QSOX2: variants seen among roughly 807,000 people sequenced by gnomAD.
The protein encoded by QSOX2 is sulfhydryl oxidase 2.
In QSOX2, 46 loss-of-function variants were observed where a neutral mutation model predicts 61.7. That is an observed-to-expected ratio of 0.75 (90% CI 0.59 to 0.95). The LOEUF is 0.95. Ranked by LOEUF, QSOX2 falls within the 40% of genes least tolerant of loss-of-function variation. QSOX2 has a pLI of 0.00. For missense variants in QSOX2, 879 were observed against 918.9 expected (o/e 0.96, Z 0.56); for synonymous variants, 383 against 388.4 (o/e 0.99, Z 0.16).
chr9:136,229,894 A>T (rs12338076), intron 1 of QSOX2, among the ~76,000 whole-genome samples: 44 of 152,068 alleles, frequency 2.9e-4, no homozygotes, highest in Non-Finnish European at 1.2e-4. Flanking sequence ...GGCAACACAG[A>T]GCCCTGCACA....
intron 8 of QSOX2, 68 bp downstream of exon 8, chr9:136,218,611 G>GC (rs533000915): frequency 1.2e-5 from 18 of 1,539,600 alleles, no homozygotes; most frequent in African/African-American, 5.5e-5. Context: ...AGTGTCCGAC[G>GC]CCCCCCAGGG....
chr9:136,245,334 T>C (rs976101140), intron 1 of QSOX2, 142 bp downstream of exon 1: 14 of 699,160 alleles, frequency 2.0e-5, no homozygotes, highest in Admixed American at 6.1e-5. Context: ...CGGGTGCCTC[T>C]GTGGGGCAGG....
rs1172004869 is a variant in QSOX2 at position 136,218,688 on chromosome 9, G to A, written c.1077C>T (p.Val359=). 1 of 1,613,688 alleles carries A rather than the reference G, an allele frequency of 6.2e-7. No individual in the cohort carries two copies. Among genetic ancestry groups the A allele is most frequent in the African/African-American group, 1.3e-5 (1 of 75,076 alleles). Residue 359 remains valine (V), a synonymous_variant, in exon 8 of 12, where the codon GTC becomes GTT. Coordinates refer to ENST00000358701, the MANE Select transcript of QSOX2 (RefSeq NM_181701.4). Reference sequence around the variant, plus strand: ...CAGCACCGTCCCAAACCTTGGCCAAGACAGTCACAAAGTCCTTGAGCGTCT... The same window carrying A: ...CAGCACCGTCCCAAACCTTGGCCAAAACAGTCACAAAGTCCTTGAGCGTCT... The part of the protein sequence containing the change: ...ELKTLKDFVT[V]LAKLFPGRPP...
intron 1 of QSOX2, among the ~76,000 whole-genome samples, chr9:136,235,374 G>A (rs373858237): frequency 4.6e-5 from 7 of 152,212 alleles, no homozygotes; most frequent in East Asian, 1.9e-4. Flanking sequence ...GGGCCCTTAC[G>A]GGGAGTGACG....
chr9:136,233,331 C>A (rs529881056), intron 1 of QSOX2, among the ~76,000 whole-genome samples: 2 of 152,174 alleles, frequency 1.3e-5, no homozygotes, highest in Non-Finnish European at 2.9e-5. Context: ...CCCCTGGCCA[C>A]GAAGAACTCA....
chr9:136,235,404 A>C (rs558351245), intron 1 of QSOX2, among the ~76,000 whole-genome samples: 1 of 152,312 alleles, frequency 6.6e-6, no homozygotes, highest in East Asian at 1.9e-4. Flanking sequence ...GGAGAGAAGG[A>C]GAGAAGACAA....
chr9:136,219,860 A>G (rs1243170694), intron 6 of QSOX2, among the ~76,000 whole-genome samples: 4 of 152,202 alleles, frequency 2.6e-5, no homozygotes, highest in Non-Finnish European at 1.5e-5. Context: ...TTAACACTAA[A>G]CAAACATCTG....
rs756563763 is a variant in QSOX2 at position 136,208,788 on chromosome 9, G to T, written c.2037C>A (p.Tyr679Ter). 13 of 1,613,828 alleles carry T rather than the reference G, an allele frequency of 8.1e-6. No individual in the cohort carries two copies. The change falls in exon 12 of 12, where the codon TAC becomes TAA. Residue 679 changes from tyrosine to a stop codon, truncating the protein, a stop_gained. Transcript: ENST00000358701. LOFTEE classifies it high-confidence loss of function. The part of the protein sequence containing the change: ...VASSLFLMVM[Y>*]FFFRVRSRRW... Reference sequence around the variant, plus strand: ...GCCTGGACCTCACCCGGAAGAAGAAGTACATCACCATGAGGAACAGGGATG... The same window carrying T: ...GCCTGGACCTCACCCGGAAGAAGAATTACATCACCATGAGGAACAGGGATG...
In QSOX2 at chr9:136,209,522, A is replaced by G; in HGVS notation, c.1550-247T>C. The G allele has an allele frequency of 5.1e-6, 5 of 985,330 alleles. No homozygotes were observed. The highest frequency in any genetic ancestry group is 6.0e-6 in the Non-Finnish European group (5 of 829,888). 61.0% of individuals were successfully genotyped at this position (985,330 alleles called of 1,614,324 possible). On this transcript the variant is annotated intron_variant, in intron 11 of 11. Transcript: ENST00000358701. This position sits in a 1 kb window ranked among gnomAD's most constrained non-coding sequence, Gnocchi z 5.6. ...TGCCGGTTCCCATAGCCTGCAAGTG[A>G]GGAGACGCTACACGCTCGGCCTCCG...
intron 1 of QSOX2, among the ~76,000 whole-genome samples, chr9:136,227,790 C>T (rs1830295127): frequency 6.6e-6 from 1 of 151,992 alleles, no homozygotes; most frequent in Non-Finnish European, 1.5e-5. Context: ...GCCTGGGCAA[C>T]ATGGTAAAAC....
rs747498935 is a variant in QSOX2, at chr9:136,216,728, TGAGG to T, written c.1087-10_1087-7del. ...GGCGGCCGTCCAGGGAACAGCTGCATGAGGAAGGAGCCACCTGAGAGCTACAGAC... is the reference window on the plus strand; with the variant it reads ...GGCGGCCGTCCAGGGAACAGCTGCATAAGGAGCCACCTGAGAGCTACAGAC... On this transcript the variant is annotated splice_region_variant and splice_polypyrimidine_tract_variant and intron_variant, in intron 8 of 11. Coordinates refer to ENST00000358701, the MANE Select transcript of QSOX2 (RefSeq NM_181701.4). The T allele has an allele frequency of 5.6e-6, 9 of 1,612,718 alleles. No homozygotes were observed. In the Admixed American group the frequency reaches 1.5e-4, roughly 27 times the overall value.
chr9:136,214,124 T>A (rs192022913), intron 10 of QSOX2, among the ~76,000 whole-genome samples: 1 of 152,276 alleles, frequency 6.6e-6, no homozygotes, highest in East Asian at 1.9e-4. Flanking sequence ...TGAACCTGAA[T>A]TACTGCTTCA....
intron 8 of QSOX2, 49 bp from the exon 9 acceptor site, chr9:136,216,771 C>T (rs375522637): frequency 7.5e-6 from 12 of 1,604,414 alleles, no homozygotes; most frequent in Admixed American, 5.0e-5. Context: ...AACCCGGGCC[C>T]GCCCCCACCG....
Position 136,209,055 on chromosome 9 carries a change from CTCT to C in QSOX2, c.1767_1769del (p.Glu591del). On this transcript the variant is annotated inframe_deletion, in exon 12 of 12. Transcript: ENST00000358701. The surrounding 1 kb of genome is among the most constrained non-coding windows in gnomAD (Gnocchi z 5.6). The stretch of plus-strand genomic sequence containing the variant: ...CCTCTGGGGGAGTGAGTCTTTTCTC[CTCT>C]TCCTCACCCCTGGCCAGGGTTCCTC... 6.2e-7 allele frequency: 1 copy of C among 1,614,128 alleles called. No homozygotes were observed. Among genetic ancestry groups the C allele is most frequent in the Admixed American group, 1.7e-5 (1 of 60,026 alleles).
At position 136,208,820 on chromosome 9, in the gene QSOX2, C is replaced by A. The variant is rs370105290; in HGVS notation, c.2005G>T (p.Val669Leu). Residue 669 changes from valine (V) to leucine (L), a missense_variant, in exon 12 of 12, where the codon GTG becomes TTG. Transcript: ENST00000358701. ...ACCATGAGGAACAGGGATGAAGCCA[C>A]GTACAGCACGACACAGAGACTCATG... Reference protein sequence around the residue: ...LDMSLCVVLYVASSLFLMVMY... With the variant: ...LDMSLCVVLYLASSLFLMVMY... The A allele has an allele frequency of 8.1e-6, 13 of 1,614,050 alleles. No individual in the cohort carries two copies. Among genetic ancestry groups the A allele is most frequent in the East Asian group, 2.2e-5 (1 of 44,870 alleles).
In QSOX2 at chr9:136,218,737, T is replaced by C. The variant is rs1378476659; in HGVS notation, c.1028A>G (p.Lys343Arg). 3 of 1,613,588 alleles carry C rather than the reference T, an allele frequency of 1.9e-6. No homozygotes were observed. Among genetic ancestry groups the C allele is most frequent in the East Asian group, 4.5e-5 (2 of 44,900 alleles). Residue 343 changes from lysine (K) to arginine (R), a missense_variant, in exon 8 of 12, where the codon AAG (lysine) becomes AGG (arginine). Lys to Arg is a conservative substitution (Grantham distance 26). Transcript: ENST00000358701. ...CTTCAGCTCTGCTCCGGCCAGGGACTTGTGGGCTGCCAGCTCCACCCGCAG... is the reference window on the plus strand; with the variant it reads ...CTTCAGCTCTGCTCCGGCCAGGGACCTGTGGGCTGCCAGCTCCACCCGCAG... ...YLLRVELAAH[K>R]SLAGAELKTL... is the part of the protein sequence containing the mutation.
At chr9:136,242,504 G>C (rs892935433) in intron 1 of QSOX2, among the ~76,000 whole-genome samples, 11 of 152,260 alleles carry the variant, frequency 7.2e-5, no homozygotes, top group Non-Finnish European at 1.3e-4. Context: ...ACAGGTGATT[G>C]ATCAGGGCCA....
Position 136,218,797 on chromosome 9 carries a change from T to C in QSOX2, c.968A>G (p.Tyr323Cys). The C allele has an allele frequency of 6.2e-7, 1 of 1,613,472 alleles. No homozygotes were observed. Among genetic ancestry groups the C allele is most frequent in the Non-Finnish European group, 8.5e-7 (1 of 1,179,958 alleles). Reference sequence around the variant, plus strand: ...TAGCCCTGACTCCAGGTCCACCGTGTACAGCTTCGACCTAGGACGGGATAT... The same window carrying C: ...TAGCCCTGACTCCAGGTCCACCGTGCACAGCTTCGACCTAGGACGGGATAT... ...VWREFDKSKL[Y>C]TVDLESGLHY... Residue 323 changes from tyrosine to cysteine, a missense_variant, in exon 8 of 12, where the codon TAC (tyrosine) becomes TGC (cysteine). By Grantham distance (194) the Tyr-to-Cys change is radical (BLOSUM62 -2). Coordinates refer to ENST00000358701, the MANE Select transcript of QSOX2 (RefSeq NM_181701.4).
At chr9:136,230,006 C>T (rs932336088) in intron 1 of QSOX2, among the ~76,000 whole-genome samples, 21 of 152,200 alleles carry the variant, frequency 1.4e-4, no homozygotes, top group Non-Finnish European at 8.8e-5. Flanking sequence ...CCTGGCCGGG[C>T]GTGGTGGCTC....
Sources: allele counts gnomAD v4.1 joint callset (sites outside exome capture counted in the v4.1 genomes callset), GRCh38; gene constraint gnomAD v4.1.1; non-coding constraint Gnocchi (gnomAD v3.1); transcripts MANE v1.5; gene names NCBI Gene and HGNC (gene_info 2026-07-23, HGNC 2026-07-21).